The following KCTD16 variants were observed in gnomAD, a reference collection of about 807,000 sequenced individuals.
KCTD16 encodes the protein potassium channel tetramerization domain containing 16.
KCTD16 carries 13 observed loss-of-function variants against 33.2 expected under a neutral mutation model. That is an observed-to-expected ratio of 0.39 (90% CI 0.25 to 0.62). The LOEUF is 0.62. Ranked by LOEUF, KCTD16 falls within the 20% of genes least tolerant of loss-of-function variation. The probability of loss-of-function intolerance (pLI) is 0.50; values close to 1 mark genes in which losing one functional copy is unlikely to be tolerated. For missense variants in KCTD16, 441 were observed against 525.1 expected, an observed-to-expected ratio of 0.84 and a Z score of 1.57; for synonymous variants, 197 against 195.3, an observed-to-expected ratio of 1.01 and a Z score of -0.07.
chr5:144,176,387 CTTTTT>C (rs368578231), intron 2 of KCTD16, among the ~76,000 whole-genome samples: 6 of 106,658 alleles, frequency 5.6e-5, no homozygotes, highest in Non-Finnish European at 5.9e-5. Context: ...TATAGTGTTT[CTTTTT>C]TTTTTTTTTT....
chr5:144,372,849 G>A (rs1416418710), intron 3 of KCTD16, among the ~76,000 whole-genome samples: 1 of 152,188 alleles, frequency 6.6e-6, no homozygotes, highest in Non-Finnish European at 1.5e-5. Context: ...CCAGAATCAG[G>A]AGCCTGTGAA....
chr5:144,443,513 CTTCTT>C (rs1753757432), intron 3 of KCTD16, among the ~76,000 whole-genome samples: 1 of 151,654 alleles, frequency 6.6e-6, no homozygotes, highest in Non-Finnish European at 1.5e-5. Flanking sequence ...AGATGCTTCT[CTTCTT>C]TTACTATTGT....
In KCTD16 at chr5:144,175,410, T is replaced by C. The variant is rs182540702; in HGVS notation, c.-327+938T>C. Among the ~76,000 whole-genome samples the C allele has an allele frequency of 5.9e-5, 9 of 152,348 alleles. No individual in the cohort carries two copies. In the East Asian group the frequency reaches 1.7e-3, roughly 29 times the overall value. On this transcript the variant is annotated intron_variant, in intron 2 of 3. Transcript: ENST00000512467. ...AATAATTCTGATTAATATACTAATT[T>C]ATCTAAAATGCGATTACTGAAATCC... is the stretch of plus-strand genomic sequence containing the variant.
intron 3 of KCTD16, among the ~76,000 whole-genome samples, chr5:144,436,715 G>A (rs1753587946): frequency 6.6e-6 from 1 of 151,644 alleles, no homozygotes; most frequent in African/African-American, 2.4e-5. Flanking sequence ...ACCCTCCTGA[G>A]TAGCTGGGAT....
chr5:144,294,371 C>G (rs1755978953), intron 3 of KCTD16, among the ~76,000 whole-genome samples: 1 of 152,072 alleles, frequency 6.6e-6, no homozygotes. Flanking sequence ...TAATTCAGTA[C>G]AGTTTGCTTT....
intron 3 of KCTD16, among the ~76,000 whole-genome samples, chr5:144,422,914 A>G (rs915017847): frequency 1.3e-5 from 2 of 152,162 alleles, no homozygotes; most frequent in Admixed American, 1.3e-4. Flanking sequence ...TTTAGTGAGC[A>G]TCTACAGGGG....
intron 3 of KCTD16, among the ~76,000 whole-genome samples, chr5:144,336,498 A>G (rs1752497979): frequency 6.6e-6 from 1 of 152,156 alleles, no homozygotes; most frequent in African/African-American, 2.4e-5. Context: ...ATCAGCTTGA[A>G]AATACTTCAG....
At chr5:144,472,758 AT>A (rs1445085523) in intron 3 of KCTD16, among the ~76,000 whole-genome samples, 5 of 152,216 alleles carry the variant, frequency 3.3e-5, no homozygotes, top group Non-Finnish European at 5.9e-5. Context: ...TAATAGAGGT[AT>A]TTACAAAGTA....
chr5:144,262,358 G>C (rs1441906627), intron 3 of KCTD16, among the ~76,000 whole-genome samples: 1 of 152,218 alleles, frequency 6.6e-6, no homozygotes, highest in African/African-American at 2.4e-5. Flanking sequence ...GACAAAACTT[G>C]TGGGCTATGG....
chr5:144,234,588 A>G (rs549859171), intron 3 of KCTD16, among the ~76,000 whole-genome samples: 35 of 152,190 alleles, frequency 2.3e-4, no homozygotes, highest in Admixed American at 1.8e-3. Context: ...CAGTTTTGCT[A>G]CTTGTCAGCT....
At chr5:144,334,485 A>G (rs1160377171) in intron 3 of KCTD16, among the ~76,000 whole-genome samples, 1 of 152,196 alleles carries the variant, frequency 6.6e-6, no homozygotes, top group Non-Finnish European at 1.5e-5. Flanking sequence ...CCAGTGAACC[A>G]TTTTTATAGT....
intron 3 of KCTD16, among the ~76,000 whole-genome samples, chr5:144,364,681 T>C (rs187918499): frequency 6.6e-6 from 1 of 152,352 alleles, no homozygotes; most frequent in Admixed American, 6.5e-5. Flanking sequence ...ATGTAGTAAT[T>C]GCTATTCTTT....
chr5:144,213,832 C>A (rs909120000), intron 3 of KCTD16, among the ~76,000 whole-genome samples: 2 of 152,116 alleles, frequency 1.3e-5, no homozygotes, highest in African/African-American at 2.4e-5. Flanking sequence ...TCAAAGAGGT[C>A]CCTTATTTTC....
rs142901729 is a variant in KCTD16, at chr5:144,334,763, C to T, written c.832+127217C>T. Among the ~76,000 whole-genome samples, 28 of 152,060 alleles carry T rather than the reference C, an allele frequency of 1.8e-4. No individual in the cohort carries two copies. In the East Asian group the frequency reaches 4.4e-3, roughly 24 times the overall value. ...TGGCAGATACATTCCAGAGCCTTGC[C>T]TTGCCTTTTTCTTTTTTGTTTGTTT... is the stretch of plus-strand genomic sequence containing the variant. On this transcript the variant is annotated intron_variant, in intron 3 of 3. Coordinates refer to ENST00000512467, the MANE Select transcript of KCTD16 (RefSeq NM_020768.4).
intron 3 of KCTD16, among the ~76,000 whole-genome samples, chr5:144,467,836 A>T (rs1357750037): frequency 6.6e-6 from 1 of 152,150 alleles, no homozygotes; most frequent in Non-Finnish European, 1.5e-5. Context: ...GTTGTCTCTC[A>T]GCTCCAAACA....
chr5:144,397,315 G>A (rs1165320127), intron 3 of KCTD16, among the ~76,000 whole-genome samples: 1 of 151,938 alleles, frequency 6.6e-6, no homozygotes, highest in Admixed American at 6.6e-5. Flanking sequence ...TCTTAATCCA[G>A]TCTATCATTG....
chr5:144,417,999 C>T (rs1753111945), intron 3 of KCTD16, among the ~76,000 whole-genome samples: 1 of 152,070 alleles, frequency 6.6e-6, no homozygotes, highest in Non-Finnish European at 1.5e-5. Flanking sequence ...AGAGTTTCTT[C>T]CTTCTGGTGG....
chr5:144,181,160 C>G (rs1264592073), intron 2 of KCTD16, among the ~76,000 whole-genome samples: 1 of 151,900 alleles, frequency 6.6e-6, no homozygotes, highest in East Asian at 1.9e-4. Flanking sequence ...GTCTCGATCT[C>G]CTGACCTCAT....
At chr5:144,369,515 T>G (rs1580908304) in intron 3 of KCTD16, 1 of 152,132 alleles carries the variant, frequency 6.6e-6, no homozygotes, top group East Asian at 1.9e-4. Flanking sequence ...ATATGATTAT[T>G]TAAGGGGCAT....
Sources: allele counts gnomAD v4.1 joint callset (sites outside exome capture counted in the v4.1 genomes callset), GRCh38; gene constraint gnomAD v4.1.1; transcripts MANE v1.5; gene names NCBI Gene and HGNC (gene_info 2026-07-23, HGNC 2026-07-21).